The following SOX5 variants were observed in gnomAD, a reference collection of about 807,000 sequenced individuals.
SOX5 encodes transcription factor SOX-5.
SOX5 carries 9 observed loss-of-function variants against 92.0 expected under a neutral mutation model. That is an observed-to-expected ratio of 0.10 (90% CI 0.06 to 0.17). The LOEUF is 0.17. SOX5 is among the 10% of genes least tolerant of loss of function. SOX5 has a pLI of 1.00. For missense variants in SOX5, 642 were observed against 944.5 expected (o/e 0.68, Z 4.20); for synonymous variants, 344 against 336.3 (o/e 1.02, Z -0.25).
chr12:23,737,826 G>A (rs1214008657), intron 5 of SOX5, among the ~76,000 whole-genome samples: 1 of 152,124 alleles, frequency 6.6e-6, no homozygotes, highest in Admixed American at 6.6e-5. Context: ...TGCCTAGACA[G>A]CCCCATGGCT....
At chr12:24,434,881 G>A (rs2083146484) in intron 1 of SOX5, among the ~76,000 whole-genome samples, 1 of 152,160 alleles carries the variant, frequency 6.6e-6, no homozygotes, top group Admixed American at 6.5e-5. Flanking sequence ...ACCCTGTCTT[G>A]GGTATTTCTT....
intron 2 of SOX5, among the ~76,000 whole-genome samples, chr12:23,852,609 C>T (rs1480468688): frequency 6.6e-6 from 1 of 151,962 alleles, no homozygotes; most frequent in East Asian, 1.9e-4. Context: ...TTAGTTTAGG[C>T]TTTTATTTAA....
intron 2 of SOX5, among the ~76,000 whole-genome samples, chr12:24,367,570 T>C (rs886612415): frequency 1.3e-5 from 2 of 152,200 alleles, no homozygotes; most frequent in Non-Finnish European, 2.9e-5. Flanking sequence ...AAGAGGTTCA[T>C]TCAAAAAATT....
intron 8 of SOX5, among the ~76,000 whole-genome samples, chr12:23,639,902 G>A (rs751605724): frequency 1.3e-5 from 2 of 152,058 alleles, no homozygotes; most frequent in African/African-American, 2.4e-5. Flanking sequence ...ACCTTTTCAC[G>A]AAGAAAAATT....
At chr12:24,557,168 T>C (rs1280708791) in intron 1 of SOX5, among the ~76,000 whole-genome samples, 3 of 151,818 alleles carry the variant, frequency 2.0e-5, no homozygotes, top group Admixed American at 6.6e-5. Flanking sequence ...AGGTGGAGGA[T>C]CACGAGGTCA....
At chr12:23,667,663 A>G (rs942512101) in intron 6 of SOX5, among the ~76,000 whole-genome samples, 13 of 152,150 alleles carry the variant, frequency 8.5e-5, no homozygotes, top group Non-Finnish European at 1.0e-4. Flanking sequence ...TCCTGTCTCA[A>G]TCTAGTGAGG....
chr12:24,561,718 C>T (rs1389145023), intron 1 of SOX5, among the ~76,000 whole-genome samples: 1 of 104,456 alleles, frequency 9.6e-6, no homozygotes, highest in East Asian at 3.7e-4. Context: ...TCAGAAATTC[C>T]GGGCGGGAGG....
At chr12:24,318,186 G>A (rs559261624) in intron 2 of SOX5, among the ~76,000 whole-genome samples, 1 of 152,240 alleles carries the variant, frequency 6.6e-6, no homozygotes, top group African/African-American at 2.4e-5. Flanking sequence ...TCCAGCCTGG[G>A]CGACAGAGCA....
At chr12:23,854,703 G>C (rs1411097237) in intron 2 of SOX5, among the ~76,000 whole-genome samples, 2 of 152,064 alleles carry the variant, frequency 1.3e-5, no homozygotes, top group Non-Finnish European at 2.9e-5. Flanking sequence ...CAGAGAATTT[G>C]AAGCCAAATA....
intron 2 of SOX5, among the ~76,000 whole-genome samples, chr12:24,303,118 T>A (rs500076): frequency 0.28 from 42,016 of 151,996 alleles, 6,056 homozygotes; most frequent in Non-Finnish European, 0.32. Context: ...AACAAGAAAC[T>A]TTCAGCACAA....
chr12:24,132,865 GT>G (rs1273848394), intron 4 of SOX5, among the ~76,000 whole-genome samples: 1 of 151,982 alleles, frequency 6.6e-6, no homozygotes, highest in Non-Finnish European at 1.5e-5. Flanking sequence ...TTTTGCAAGG[GT>G]TTACACATAC....
chr12:23,970,841 A>ATATATATATATATATATATATATTTTTTT lies in SOX5; in HGVS notation c.-1-74818_-1-74817insAAAAAAATATATATATATATATATATATA. Among the ~76,000 whole-genome samples the ATATATATATATATATATATATATTTTTTT allele has an allele frequency of 2.0e-3, 43 of 21,880 alleles. 2 individuals carry two copies. Among genetic ancestry groups the ATATATATATATATATATATATATTTTTTT allele is most frequent in the Middle Eastern group, 0.038 (1 of 26 alleles). 14.4% of individuals were successfully genotyped at this position (21,880 alleles called of 152,430 possible). A position where few individuals can be genotyped will look rare whatever the true frequency, so the allele number is the denominator to read the frequency against. On this transcript the variant is annotated intron_variant, in intron 4 of 4. Transcript: ENST00000446891. ...ACATGGGACTTTATATATATATATA[A>ATATATATATATATATATATATATTTTTTT]TTTTTTTTTTTTTTTAAGAAATGGG... is the stretch of plus-strand genomic sequence containing the variant.
chr12:23,902,364 G>T (rs184262062), intron 1 of SOX5, among the ~76,000 whole-genome samples: 7 of 152,138 alleles, frequency 4.6e-5, no homozygotes, highest in Admixed American at 3.9e-4. Flanking sequence ...ATCCTAGGAT[G>T]CAGTGCCTTC....
In SOX5 at chr12:24,481,493, T is replaced by C. The variant is rs532737725; in HGVS notation, c.-251+80836A>G. 2.0e-3 allele frequency among the ~76,000 whole-genome samples: 310 copies of C among 152,336 alleles called. 2 individuals are homozygous for C. The highest frequency in any genetic ancestry group is 3.5e-3 in the Non-Finnish European group (236 of 68,034). On this transcript the variant is annotated intron_variant, in intron 1 of 4. Transcript: ENST00000446891. ...ACCCCCATTTTCCATGATGTGATTA[T>C]TATGCATTGCATGCTTGTATCGAAA...
chr12:24,288,196 A>G (rs549204627), intron 2 of SOX5, among the ~76,000 whole-genome samples: 1 of 152,276 alleles, frequency 6.6e-6, no homozygotes, highest in African/African-American at 2.4e-5. Context: ...TGCTACTGGC[A>G]TCTAGTGGGT....
intron 2 of SOX5, among the ~76,000 whole-genome samples, chr12:23,888,785 C>T (rs534783828): frequency 2.6e-5 from 4 of 152,286 alleles, no homozygotes; most frequent in African/African-American, 9.6e-5. Context: ...TTTGTGACAA[C>T]ATTTACAGAA....
chr12:23,713,762 T>C (rs2140412233), intron 6 of SOX5, among the ~76,000 whole-genome samples: 1 of 147,546 alleles, frequency 6.8e-6, no homozygotes, highest in African/African-American at 2.5e-5. Context: ...TGTGTGTATA[T>C]ATATAATCTA....
At chr12:23,792,688 G>T (rs1324347301) in intron 3 of SOX5, among the ~76,000 whole-genome samples, 1 of 137,102 alleles carries the variant, frequency 7.3e-6, no homozygotes, top group Non-Finnish European at 1.5e-5. Flanking sequence ...GCGATATGGA[G>T]CAGTTTCAGA....
intron 4 of SOX5, among the ~76,000 whole-genome samples, chr12:24,072,207 G>T (rs1266960928): frequency 6.6e-6 from 1 of 152,052 alleles, no homozygotes; most frequent in East Asian, 1.9e-4. Context: ...AAGGAGAAGG[G>T]GAAAAAAGAA....
Sources: allele counts gnomAD v4.1 joint callset (sites outside exome capture counted in the v4.1 genomes callset), GRCh38; gene constraint gnomAD v4.1.1; transcripts MANE v1.5; gene names NCBI Gene and HGNC (gene_info 2026-07-23, HGNC 2026-07-21).